The following IGSF9B variants were observed in gnomAD, a reference collection of about 807,000 sequenced individuals.
The protein encoded by IGSF9B is protein turtle homolog B.
IGSF9B carries 48 observed loss-of-function variants against 143.7 expected under a neutral mutation model. That is an observed-to-expected ratio of 0.33 (90% CI 0.26 to 0.42). The LOEUF (loss-of-function observed/expected upper bound fraction) is 0.42, where lower values mean the gene tolerates loss of function less well. IGSF9B is among the 20% of genes least tolerant of loss of function. The pLI, the probability that IGSF9B is intolerant of heterozygous loss-of-function variation, is 1.00. For missense variants in IGSF9B, 1,706 were observed against 1,980.0 expected, an observed-to-expected ratio of 0.86 and a Z score of 2.63; for synonymous variants, 903 against 833.1, an observed-to-expected ratio of 1.08 and a Z score of -1.44.
At position 133,917,750 on chromosome 11, in the gene IGSF9B, C is replaced by A. The variant is rs141246244; in HGVS notation, c.3983+1992G>T. 4.1e-3 allele frequency among the ~76,000 whole-genome samples: 619 copies of A among 152,188 alleles called. 3 individuals carry two copies. The highest frequency in any genetic ancestry group is 0.014 in the African/African-American group (593 of 41,530). On this transcript the variant is annotated intron_variant, in intron 18 of 19. Transcript: ENST00000533871. ...TACTCCTCGAGAGAGCCTAATACCA[C>A]GAAGATCTCAAGAAGCTGGTGAGGG...
chr11:133,921,103 G>C lies in IGSF9B; in HGVS notation c.2622C>G (p.Ile874Met), dbSNP rs368087626. 6.2e-7 allele frequency: 1 copy of C among 1,613,840 alleles called. No homozygotes were observed. ...TCTCCTCGGCGAAGGGGAAGCCCTC[G>C]ATGCGCCTGCTCTTCAGCGAGGGCT... ...EMEPSLKSRR[I>M]EGFPFAEETD... Residue 874 changes from isoleucine to methionine, a missense_variant, in exon 18 of 20, where the codon ATC becomes ATG. By Grantham distance (10) the Ile-to-Met change is conservative. Around this residue, in one of 7 missense-constraint regions of IGSF9B, gnomAD observed 880 missense variants for 762.9 expected, o/e 1.15. Transcript: ENST00000533871.
rs1940104573 is a variant in IGSF9B, at chr11:133,948,745, A to AC, written c.65-2488dup. 6.6e-6 allele frequency among the ~76,000 whole-genome samples: 1 copy of AC among 151,940 alleles called. No homozygotes were observed. Among genetic ancestry groups the AC allele is most frequent in the Non-Finnish European group, 1.5e-5 (1 of 68,018 alleles). On this transcript the variant is annotated intron_variant, in intron 1 of 19. Transcript: ENST00000533871. This position sits in a 1 kb window ranked among gnomAD's most constrained non-coding sequence, Gnocchi z 4.7. ...GGGAGTTATTCCCAGGTGCCAGGTT[A>AC]CCTGGAGGAGGGCAGAGTGGGCAAC...
rs754954498 is a variant in IGSF9B at position 133,920,071 on chromosome 11, G to C, written c.3654C>G (p.Leu1218=). 1 of 1,534,470 alleles carries C rather than the reference G, an allele frequency of 6.5e-7. No individual in the cohort carries two copies. Among genetic ancestry groups the C allele is most frequent in the Non-Finnish European group, 8.8e-7 (1 of 1,141,780 alleles). The change falls in exon 18 of 20, where the codon CTC becomes CTG. Residue 1218 remains leucine, a synonymous_variant. Coordinates refer to ENST00000533871, the MANE Select transcript of IGSF9B (RefSeq NM_001277285.4). ...CCGGGCGAGGCCGGGCACGGGCGGC[G>C]AGCTCAGGGGAGCCGGTGCGGGAGC... The part of the protein sequence containing the change: ...PLSSRTGSPE[L]AARARPRPGL...
rs777953598 is a variant in IGSF9B at position 133,936,207 on chromosome 11, G to A, written c.680-13C>T. On this transcript the variant is annotated splice_polypyrimidine_tract_variant and intron_variant, in intron 5 of 19. Transcript: ENST00000533871. Reference sequence around the variant, plus strand: ...ATGAAAGGGGGCCCTGGGGAGAGCAGGGAACAAACCCCACCTCGCCTGATC... The same window carrying A: ...ATGAAAGGGGGCCCTGGGGAGAGCAAGGAACAAACCCCACCTCGCCTGATC... 6.2e-7 allele frequency: 1 copy of A among 1,604,402 alleles called. No individual in the cohort carries two copies. Among genetic ancestry groups the A allele is most frequent in the Non-Finnish European group, 8.5e-7 (1 of 1,175,792 alleles).
chr11:133,911,612 T>C (rs1353308077), intron 19 of IGSF9B, among the ~76,000 whole-genome samples: 7 of 152,230 alleles, frequency 4.6e-5, no homozygotes, highest in Admixed American at 1.3e-4. Flanking sequence ...ACGACAGTTC[T>C]CCAGGTGAGT....
chr11:133,937,776 G>T (rs754426072), intron 4 of IGSF9B, 34 bp downstream of exon 4: 4 of 1,597,708 alleles, frequency 2.5e-6, no homozygotes, highest in Non-Finnish European at 3.4e-6. Context: ...CGGGGGAAGA[G>T]ACCGCAGCGG....
intron 1 of IGSF9B, among the ~76,000 whole-genome samples, chr11:133,946,484 G>A (rs529421017): frequency 6.6e-6 from 1 of 151,798 alleles, no homozygotes; most frequent in East Asian, 2.0e-4. Flanking sequence ...TTGGGGGAAA[G>A]GAAGGGAGAG....
rs745811415 is a variant in IGSF9B, at chr11:133,919,774, C to T, written c.3951G>A (p.Pro1317=). ...PRRTGEELLR[P]ETPPPTLPTS... ...TAGGTAACGTGGGTGGTGGGGTCTC[C>T]GGTCGGAGCAATTCCTCCCCCGTCC... Residue 1317 remains proline, a synonymous_variant, in exon 18 of 20, where the codon CCG becomes CCA. Transcript: ENST00000533871. The T allele has an allele frequency of 6.7e-7, 1 of 1,483,028 alleles. No homozygotes were observed. Among genetic ancestry groups the T allele is most frequent in the Non-Finnish European group, 9.0e-7 (1 of 1,113,948 alleles). 91.9% of individuals were successfully genotyped at this position (1,483,028 alleles called of 1,614,324 possible).
At chr11:133,934,192 C>T (rs892611390) in intron 7 of IGSF9B, among the ~76,000 whole-genome samples, 21 of 152,192 alleles carry the variant, frequency 1.4e-4, no homozygotes, top group Non-Finnish European at 2.9e-4. Flanking sequence ...AAAACCAAAA[C>T]ATGTCTCCAG....
chr11:133,917,999 GGAGT>G (rs915107032), intron 18 of IGSF9B, among the ~76,000 whole-genome samples: 4 of 151,482 alleles, frequency 2.6e-5, no homozygotes, highest in African/African-American at 7.3e-5. Flanking sequence ...AGGCTGGCGA[GGAGT>G]GAGGAGAGCC....
chr11:133,944,156 C>G (rs1940000737), intron 3 of IGSF9B, 64 bp downstream of exon 3: 1 of 1,519,300 alleles, frequency 6.6e-7, no homozygotes, highest in Non-Finnish European at 8.8e-7. Context: ...GCAGGCCCAC[C>G]CCGGAAACAG....
At chr11:133,929,622 G>A in intron 12 of IGSF9B, 49 bp downstream of exon 12, 1 of 1,364,024 alleles carries the variant, frequency 7.3e-7, no homozygotes, top group Non-Finnish European at 1.0e-6. Context: ...ACCGGGGAGG[G>A]GAGAAGCAGA....
intron 1 of IGSF9B, among the ~76,000 whole-genome samples, chr11:133,950,100 G>A (rs1940130623): frequency 6.6e-6 from 1 of 152,222 alleles, no homozygotes; most frequent in African/African-American, 2.4e-5. Flanking sequence ...GTGGTACCCA[G>A]TGGGTGGCTG....
At chr11:133,955,185 G>C (rs1029911968) in intron 1 of IGSF9B, among the ~76,000 whole-genome samples, 7 of 152,146 alleles carry the variant, frequency 4.6e-5, no homozygotes, top group Admixed American at 4.6e-4. Context: ...ATGGGGGAGA[G>C]GATGAGGCTA....
At chr11:133,956,557 A>G (rs1940259047) in intron 1 of IGSF9B, 134 bp downstream of exon 1, 1 of 565,212 alleles carries the variant, frequency 1.8e-6, no homozygotes, top group East Asian at 3.8e-5. Flanking sequence ...GTCGGAGCCC[A>G]AGCCTCACCC....
Position 133,920,847 on chromosome 11 carries a change from G to C in IGSF9B, c.2878C>G (p.Pro960Ala). The C allele has an allele frequency of 6.2e-7, 1 of 1,600,924 alleles. No homozygotes were observed. Among genetic ancestry groups the C allele is most frequent in the Non-Finnish European group, 8.5e-7 (1 of 1,173,036 alleles). Residue 960 changes from proline (P) to alanine (A), a missense_variant, in exon 18 of 20, where the codon CCC (proline) becomes GCC (alanine). By Grantham distance (27) the Pro-to-Ala change is conservative. Transcript: ENST00000533871. ...CCATAATACTGGCCATGGTGGAAGG[G>C]CCGGGGGGCAGGGGGCCGGGCCTGG... The part of the protein sequence containing the change: ...TGQARPPAPR[P>A]FHHGQYYGYL...
Position 133,920,790 on chromosome 11 carries a change from C to T in IGSF9B, c.2935G>A (p.Glu979Lys), listed in dbSNP as rs1173392191. The part of the protein sequence containing the change: ...YLSSSSPGEV[E>K]PPPFYVPEVG... The stretch of plus-strand genomic sequence containing the variant: ...TCTGGCACGTAGAACGGGGGCGGCT[C>T]CACCTCCCCAGGGCTGCTGCTGCTG... Residue 979 changes from glutamate to lysine, a missense_variant, in exon 18 of 20, where the codon GAG becomes AAG. Coordinates refer to ENST00000533871, the MANE Select transcript of IGSF9B (RefSeq NM_001277285.4). 2.5e-6 allele frequency: 4 copies of T among 1,609,110 alleles called. No individual in the cohort carries two copies. The highest frequency in any genetic ancestry group is 1.1e-5 in the South Asian group (1 of 90,486).
rs182687576 is a variant in IGSF9B, at chr11:133,949,985, G to A, written c.65-3727C>T. Among the ~76,000 whole-genome samples the A allele has an allele frequency of 2.3e-3, 343 of 152,340 alleles. 5 individuals carry two copies. Among genetic ancestry groups the A allele is most frequent in the African/African-American group, 7.6e-3 (317 of 41,582 alleles). On this transcript the variant is annotated intron_variant, in intron 1 of 19. Transcript: ENST00000533871. ...CAGCTCCCTTTGGAGCAGTTATGGCGGGGAAGAGAAAGTAGGAGGGCAAGG... is the reference window on the plus strand; with the variant it reads ...CAGCTCCCTTTGGAGCAGTTATGGCAGGGAAGAGAAAGTAGGAGGGCAAGG...
rs1291052076 is a variant in IGSF9B at position 133,956,893 on chromosome 11, C to A, written c.-139G>T. ...GCCGGTGCTCCTGCAGCCCGGGTGGCCAGCTCTCCATCCCTCCTAGGCTCC... is the reference window on the plus strand; with the variant it reads ...GCCGGTGCTCCTGCAGCCCGGGTGGACAGCTCTCCATCCCTCCTAGGCTCC... On this transcript the variant is annotated 5_prime_UTR_variant, in exon 1 of 20. Transcript: ENST00000533871. 1 of 438,692 alleles carries A rather than the reference C, an allele frequency of 2.3e-6. No individual in the cohort carries two copies. Among genetic ancestry groups the A allele is most frequent in the African/African-American group, 2.1e-5 (1 of 48,456 alleles). The allele number at this position is 438,692 out of a possible 1,614,324, so 27.2% of individuals were successfully genotyped here.
Sources: allele counts gnomAD v4.1 joint callset (sites outside exome capture counted in the v4.1 genomes callset), GRCh38; gene constraint gnomAD v4.1.1; regional missense constraint gnomAD v4.1.1; non-coding constraint Gnocchi (gnomAD v3.1); transcripts MANE v1.5; gene names NCBI Gene and HGNC (gene_info 2026-07-23, HGNC 2026-07-21).